Variants in RBPMS2 observed in about 807,000 individuals in gnomAD.
RBPMS2 encodes the protein RNA-binding protein with multiple splicing 2.
Under a neutral mutation model 25.7 loss-of-function variants are expected in RBPMS2, and 14 were observed. The observed-to-expected ratio is 0.55, with a 90% CI of 0.36 to 0.85. The LOEUF is 0.85. Ranked by LOEUF, RBPMS2 falls within the 40% of genes least tolerant of loss-of-function variation. RBPMS2 has a pLI of 0.01. For missense variants in RBPMS2, 252 were observed against 283.4 expected, an observed-to-expected ratio of 0.89 and a Z score of 0.80; for synonymous variants, 127 against 115.6, an observed-to-expected ratio of 1.10 and a Z score of -0.63.
At chr15:64,765,254 A>G (rs371749756) in intron 1 of RBPMS2, among the ~76,000 whole-genome samples, 2,654 of 146,350 alleles carry the variant, frequency 0.018, 37 homozygotes, top group Non-Finnish European at 0.03. Flanking sequence ...AAAAAAAAGC[A>G]AAAAACAAAA....
chr15:64,742,510 G>T (rs1446175233), intron 6 of RBPMS2, among the ~76,000 whole-genome samples: 1 of 152,252 alleles, frequency 6.6e-6, no homozygotes, highest in Non-Finnish European at 1.5e-5. Flanking sequence ...CCTCCTCCCT[G>T]TGGGCCAGTC....
At chr15:64,742,921 C>T (rs4075081) in intron 6 of RBPMS2, among the ~76,000 whole-genome samples, 2,067 of 152,364 alleles carry the variant, frequency 0.014, 33 homozygotes, top group Non-Finnish European at 0.023. Context: ...ATTCTAGGTG[C>T]TGTTTTGTAC....
intron 1 of RBPMS2, among the ~76,000 whole-genome samples, chr15:64,759,654 G>A (rs1252156250): frequency 1.3e-5 from 2 of 151,974 alleles, no homozygotes; most frequent in Admixed American, 6.6e-5. Context: ...AAAGGGACTC[G>A]GCCTGTTTTT....
At chr15:64,755,144 T>C (rs2083721643) in intron 1 of RBPMS2, among the ~76,000 whole-genome samples, 2 of 151,842 alleles carry the variant, frequency 1.3e-5, no homozygotes, top group South Asian at 4.2e-4. Context: ...TAGGGTGGGG[T>C]GAGTGTAGGG....
At chr15:64,770,574 T>G (rs2083885866) in intron 1 of RBPMS2, among the ~76,000 whole-genome samples, 1 of 152,156 alleles carries the variant, frequency 6.6e-6, no homozygotes, top group South Asian at 2.1e-4. Flanking sequence ...CCTGACCTCC[T>G]ACTGCTATAT....
Position 64,749,506 on chromosome 15 carries a change from A to C in RBPMS2, c.205-13T>G. On this transcript the variant is annotated splice_polypyrimidine_tract_variant and intron_variant, in intron 3 of 7. Transcript: ENST00000300069. ...CAAAACCAACAGGCTAGTAGGAAAA[A>C]GAGAGAACACCCTTATATCTCTCCT... 3 of 1,609,092 alleles carry C rather than the reference A, an allele frequency of 1.9e-6. No homozygotes were observed. In the South Asian group the frequency reaches 3.3e-5, roughly 18 times the overall value.
At chr15:64,742,955 T>A (rs547140816) in intron 6 of RBPMS2, among the ~76,000 whole-genome samples, 1 of 152,306 alleles carries the variant, frequency 6.6e-6, no homozygotes, top group Non-Finnish European at 1.5e-5. Flanking sequence ...AGCCACCACA[T>A]CCCAGGAGCT....
rs147720998 is a variant in RBPMS2, at chr15:64,765,273, G to A, written c.87+9960C>T. ...AAAAGCAAAAAACAAAAATTAGCCC[G>A]GCGTGTTGGTGTGCACCTGTAGTCC... On this transcript the variant is annotated intron_variant, in intron 1 of 7. Coordinates refer to ENST00000300069, the MANE Select transcript of RBPMS2 (RefSeq NM_194272.3). 3.2e-3 allele frequency among the ~76,000 whole-genome samples: 473 copies of A among 148,096 alleles called. 1 individual carries two copies. The highest frequency in any genetic ancestry group is 0.011 in the African/African-American group (450 of 40,010).
chr15:64,753,400 T>C (rs1038048728), intron 1 of RBPMS2, among the ~76,000 whole-genome samples: 1 of 152,202 alleles, frequency 6.6e-6, no homozygotes, highest in African/African-American at 2.4e-5. Flanking sequence ...TCTGAGACGA[T>C]GGCTTTTATC....
At position 64,751,563 on chromosome 15, in the gene RBPMS2, T is replaced by C. The variant is rs1317952764; in HGVS notation, c.163A>G (p.Lys55Glu). The C allele has an allele frequency of 6.2e-7, 1 of 1,613,790 alleles. No individual in the cohort carries two copies. The highest frequency in any genetic ancestry group is 1.7e-5 in the Admixed American group (1 of 60,018). ...RELYLLFRPF[K>E]GYEGSLIKLT... ...GGGGCGGCTGGGTCCTGACTCACCT[T>C]GAACGGCCGGAAGAGCAAGTAGAGT... Residue 55 changes from lysine (K) to glutamate (E), a missense_variant and splice_region_variant, in exon 2 of 8, where the codon AAG becomes GAG. Transcript: ENST00000300069.
intron 1 of RBPMS2, among the ~76,000 whole-genome samples, chr15:64,769,464 C>G (rs1157298803): frequency 6.7e-6 from 1 of 148,468 alleles, no homozygotes; most frequent in Non-Finnish European, 1.5e-5. Context: ...TAAAATCCAT[C>G]CTGGCTAACA....
rs774674156 is a variant in RBPMS2, at chr15:64,748,453, G to A, written c.533C>T (p.Thr178Ile). 3 of 1,614,044 alleles carry A rather than the reference G, an allele frequency of 1.9e-6. No individual in the cohort carries two copies. Among genetic ancestry groups the A allele is most frequent in the Non-Finnish European group, 2.5e-6 (3 of 1,180,024 alleles). ...GAGGGCGGCGGCAGCGGCAGTGGCA[G>A]TTGGGTAGGTGAACGCAGCATGGGA... ...AISHAAFTYP[T>I]ATAAAAALHA... is the part of the protein sequence containing the mutation. The change falls in exon 6 of 8, where the codon ACT (threonine) becomes ATT (isoleucine). Residue 178 changes from threonine (T) to isoleucine (I), a missense_variant. Thr to Ile is a moderately conservative substitution (Grantham distance 89, BLOSUM62 -1). Transcript: ENST00000300069.
chr15:64,751,305 C>A (rs1321498656), intron 2 of RBPMS2, among the ~76,000 whole-genome samples: 1 of 150,640 alleles, frequency 6.6e-6, no homozygotes, highest in Middle Eastern at 3.4e-3. Flanking sequence ...TGCACTCTAG[C>A]CTGGGCGGCA....
chr15:64,761,696 CTTTT>C (rs71133473), intron 1 of RBPMS2, among the ~76,000 whole-genome samples: 1 of 86,676 alleles, frequency 1.2e-5, no homozygotes, highest in Non-Finnish European at 2.0e-5. Context: ...CAAAGCCCAG[CTTTT>C]TTTTTTTTTT....
At chr15:64,774,728 GAGGAGCCGGCCGGCCCAGGCCTCCA>G (rs1195082918) in intron 1 of RBPMS2, among the ~76,000 whole-genome samples, 2 of 122,588 alleles carry the variant, frequency 1.6e-5, no homozygotes, top group Non-Finnish European at 3.4e-5. Flanking sequence ...CGCAGGAACC[GAGGAGCCGGCCGGCCCAGGCCTCCA>G]AGGTCACGGG....
intron 1 of RBPMS2, among the ~76,000 whole-genome samples, chr15:64,753,899 C>G (rs1595788789): frequency 6.6e-6 from 1 of 152,154 alleles, no homozygotes; most frequent in East Asian, 1.9e-4. Flanking sequence ...CTGAGCCCAG[C>G]AGGCCTCTCT....
chr15:64,765,656 C>A (rs573298183), intron 1 of RBPMS2, among the ~76,000 whole-genome samples: 1 of 151,520 alleles, frequency 6.6e-6, no homozygotes, highest in East Asian at 1.9e-4. Context: ...AATAGTTCTT[C>A]AAAAATGGGC....
intron 1 of RBPMS2, among the ~76,000 whole-genome samples, chr15:64,769,896 C>T (rs1021572078): frequency 6.6e-6 from 1 of 151,838 alleles, no homozygotes; most frequent in Non-Finnish European, 1.5e-5. Flanking sequence ...ATTGCAGATA[C>T]CCGGCTGGGC....
intron 6 of RBPMS2, among the ~76,000 whole-genome samples, chr15:64,742,166 C>CAACAAA (rs771607245): frequency 5.9e-5 from 9 of 152,082 alleles, no homozygotes; most frequent in Non-Finnish European, 1.0e-4. Flanking sequence ...ACTCCGTCTC[C>CAACAAA]AACAAAAACA....
Sources: gnomAD v4.1 joint callset for allele counts (sites outside exome capture counted in the v4.1 genomes callset) on GRCh38, gnomAD v4.1.1 for gene constraint, MANE v1.5 for transcripts, NCBI Gene and HGNC (gene_info 2026-07-23, HGNC 2026-07-21) for gene names.